PICALM: variants seen among roughly 807,000 people sequenced by gnomAD.
The protein encoded by PICALM is phosphatidylinositol binding clathrin assembly protein, also known as phosphatidylinositol-binding clathrin assembly protein.
PICALM carries 40 observed loss-of-function variants against 80.5 expected under a neutral mutation model. That is an observed-to-expected ratio of 0.50 (90% CI 0.39 to 0.65). PICALM has a LOEUF of 0.65. Ranked by LOEUF, PICALM falls within the 30% of genes least tolerant of loss-of-function variation. The probability of loss-of-function intolerance (pLI) is 0.00; values close to 1 mark genes in which losing one functional copy is unlikely to be tolerated. For missense variants in PICALM, 676 were observed against 778.9 expected, an observed-to-expected ratio of 0.87 and a Z score of 1.57; for synonymous variants, 288 against 260.3, an observed-to-expected ratio of 1.11 and a Z score of -1.02.
At chr11:86,039,058 CCAAGA>C (rs2095898730) in intron 1 of PICALM, among the ~76,000 whole-genome samples, 1 of 151,262 alleles carries the variant, frequency 6.6e-6, no homozygotes, top group Non-Finnish European at 1.5e-5. Context: ...TTGTGGTGAG[CCAAGA>C]TCATGCCACT....
At chr11:86,011,615 C>G (rs2095395151) in intron 6 of PICALM, among the ~76,000 whole-genome samples, 2 of 152,058 alleles carry the variant, frequency 1.3e-5, no homozygotes, top group South Asian at 4.1e-4. Flanking sequence ...TATAGAAAAA[C>G]CTTTATTTTT....
chr11:86,047,790 T>C (rs2096101343), intron 1 of PICALM, among the ~76,000 whole-genome samples: 1 of 152,122 alleles, frequency 6.6e-6, no homozygotes, highest in African/African-American at 2.4e-5. Flanking sequence ...AGCAACTTAT[T>C]AGTAAGTTTC....
At chr11:86,056,126 C>A (rs2096264319) in intron 1 of PICALM, among the ~76,000 whole-genome samples, 1 of 27,526 alleles carries the variant, frequency 3.6e-5, no homozygotes, top group Admixed American at 3.8e-4. Context: ...CAGAACAAGA[C>A]TCTGTCTTTA....
chr11:85,976,789 C>A, intron 17 of PICALM, 107 bp from the exon 18 acceptor site: 4 of 681,206 alleles, frequency 5.9e-6, no homozygotes, highest in African/African-American at 5.4e-5. Flanking sequence ...GCTAAGACAG[C>A]TGTGAGTAAG....
At chr11:85,988,837 T>C (rs1437524201) in intron 13 of PICALM, among the ~76,000 whole-genome samples, 1 of 152,164 alleles carries the variant, frequency 6.6e-6, no homozygotes, top group African/African-American at 2.4e-5. Flanking sequence ...ACATATTCCG[T>C]TTGCATAAAT....
intron 11 of PICALM, among the ~76,000 whole-genome samples, chr11:85,997,545 A>C (rs934364192): frequency 6.6e-6 from 1 of 152,166 alleles, no homozygotes; most frequent in Non-Finnish European, 1.5e-5. Flanking sequence ...ATCTTGGCTC[A>C]CTGTAACCTC....
chr11:85,984,419 C>G (rs1402179428), intron 13 of PICALM, among the ~76,000 whole-genome samples: 1 of 152,122 alleles, frequency 6.6e-6, no homozygotes, highest in Admixed American at 6.5e-5. Context: ...CTCCCTCCCA[C>G]CTACCCATTT....
intron 13 of PICALM, among the ~76,000 whole-genome samples, chr11:85,987,300 T>A (rs909278453): frequency 2.0e-5 from 3 of 152,184 alleles, no homozygotes; most frequent in Admixed American, 2.0e-4. Context: ...TTAGTAAGCA[T>A]CAGAACCAAG....
chr11:86,064,650 T>TAA (rs1360476635), intron 1 of PICALM, among the ~76,000 whole-genome samples: 6 of 133,418 alleles, frequency 4.5e-5, no homozygotes, highest in African/African-American at 1.1e-4. Flanking sequence ...CCACCTCATT[T>TAA]TAAAAAAAAA....
At chr11:86,064,287 T>C (rs957176994) in intron 1 of PICALM, among the ~76,000 whole-genome samples, 5 of 152,210 alleles carry the variant, frequency 3.3e-5, no homozygotes, top group African/African-American at 9.6e-5. Flanking sequence ...GAACTTGATC[T>C]TGATTTTGTT....
intron 9 of PICALM, among the ~76,000 whole-genome samples, chr11:86,003,155 T>C (rs944129285): frequency 5.9e-5 from 9 of 152,238 alleles, no homozygotes; most frequent in Admixed American, 3.3e-4. Context: ...TGCTGACATT[T>C]ATTGAAGGTC....
chr11:86,026,853 T>A (rs913544806), intron 2 of PICALM, among the ~76,000 whole-genome samples: 2 of 152,230 alleles, frequency 1.3e-5, no homozygotes, highest in African/African-American at 4.8e-5. Context: ...ATAGCCTCCA[T>A]TGAAGAACCA....
intron 10 of PICALM, 75 bp downstream of exon 10, chr11:86,000,960 G>A (rs984625405): frequency 1.5e-5 from 24 of 1,563,760 alleles, no homozygotes; most frequent in Non-Finnish European, 2.1e-5. Flanking sequence ...AAGACTCTAA[G>A]TCTGTGCAGA....
intron 4 of PICALM, among the ~76,000 whole-genome samples, chr11:86,016,659 A>G (rs961134478): frequency 1.3e-5 from 2 of 152,238 alleles, no homozygotes; most frequent in African/African-American, 4.8e-5. Flanking sequence ...GCTGGTAAAG[A>G]AAACAGCACA....
chr11:86,048,556 G>A lies in PICALM; in HGVS notation c.131-16945C>T, dbSNP rs543761711. On this transcript the variant is annotated intron_variant, in intron 1 of 19. Coordinates refer to ENST00000393346, the MANE Select transcript of PICALM (RefSeq NM_007166.4). ...AATGTTAATAAAAGAAAAATAGGCCGGGTGCAGTGGCTCACACCTGTAATC... is the reference window on the plus strand; with the variant it reads ...AATGTTAATAAAAGAAAAATAGGCCAGGTGCAGTGGCTCACACCTGTAATC... Among the ~76,000 whole-genome samples, 10 of 152,138 alleles carry A rather than the reference G, an allele frequency of 6.6e-5. No individual in the cohort carries two copies. The South Asian group carries it at 1.2e-3, about 19-fold the overall frequency.
intron 11 of PICALM, 50 bp from the exon 12 acceptor site, chr11:85,996,979 A>G: frequency 8.6e-7 from 1 of 1,166,662 alleles, no homozygotes. Context: ...AAACTTTGCT[A>G]CTTTAGTGTC....
At chr11:86,065,946 T>C (rs1409687809) in intron 1 of PICALM, among the ~76,000 whole-genome samples, 1 of 152,234 alleles carries the variant, frequency 6.6e-6, no homozygotes, top group African/African-American at 2.4e-5. Context: ...GTCCTAAGCA[T>C]ATTTTTTGTT....
At chr11:85,993,898 A>G (rs1488071673) in intron 12 of PICALM, among the ~76,000 whole-genome samples, 1 of 151,710 alleles carries the variant, frequency 6.6e-6, no homozygotes, top group South Asian at 2.1e-4. Flanking sequence ...TTTTTTAAAC[A>G]TGGTAGAGAC....
rs181399045 is a variant in PICALM at position 86,035,438 on chromosome 11, C to G, written c.131-3827G>C. On this transcript the variant is annotated intron_variant, in intron 1 of 19. Transcript: ENST00000393346. Reference sequence around the variant, plus strand: ...GCTACATCAAAACCACACTGATACCCGAATAAGATTTTCTAAAAAAGAAGC... The same window carrying G: ...GCTACATCAAAACCACACTGATACCGGAATAAGATTTTCTAAAAAAGAAGC... Among the ~76,000 whole-genome samples the G allele has an allele frequency of 2.6e-5, 4 of 152,202 alleles. No individual in the cohort carries two copies. In the East Asian group the frequency reaches 5.8e-4, roughly 22 times the overall value.
Sources: allele counts gnomAD v4.1 joint callset (sites outside exome capture counted in the v4.1 genomes callset), GRCh38; gene constraint gnomAD v4.1.1; transcripts MANE v1.5; gene names NCBI Gene and HGNC (gene_info 2026-07-23, HGNC 2026-07-21).